The following CDKAL1 variants were observed in gnomAD, a reference collection of about 807,000 sequenced individuals.
CDKAL1 encodes threonylcarbamoyladenosine tRNA methylthiotransferase.
CDKAL1 carries 32 observed loss-of-function variants against 68.2 expected under a neutral mutation model. The ratio of observed to expected loss-of-function variants is 0.47; its 90% CI spans 0.35 to 0.63. The LOEUF is 0.63. Among genes scored for constraint, CDKAL1 ranks in the 30% least tolerant of loss-of-function variants. The probability of loss-of-function intolerance (pLI) is 0.00; values close to 1 mark genes in which losing one functional copy is unlikely to be tolerated. For synonymous variants in CDKAL1, 234 were observed against 244.3 expected (o/e 0.96, Z 0.39); for missense variants, 606 against 696.7 (o/e 0.87, Z 1.47).
intron 9 of CDKAL1, among the ~76,000 whole-genome samples, chr6:20,874,242 G>A (rs1760376115): frequency 2.6e-5 from 4 of 152,034 alleles, no homozygotes; most frequent in Admixed American, 2.0e-4. Flanking sequence ...TTACATTGGG[G>A]GCTATTTATC....
At chr6:20,926,773 C>T (rs1474100020) in intron 9 of CDKAL1, among the ~76,000 whole-genome samples, 4 of 151,824 alleles carry the variant, frequency 2.6e-5, no homozygotes, top group African/African-American at 2.4e-5. Flanking sequence ...AGAAGGTGTC[C>T]ATCATAGTTC....
At chr6:20,677,417 C>T (rs533477783) in intron 5 of CDKAL1, among the ~76,000 whole-genome samples, 50 of 151,448 alleles carry the variant, frequency 3.3e-4, no homozygotes, top group African/African-American at 1.1e-3. Context: ...CATTTTTCAA[C>T]GAAGGCTTTA....
intron 13 of CDKAL1, among the ~76,000 whole-genome samples, chr6:21,129,172 T>C (rs1055370553): frequency 6.6e-6 from 1 of 152,206 alleles, no homozygotes; most frequent in African/African-American, 2.4e-5. Flanking sequence ...TAAATAATAA[T>C]TATAAATTCT....
At chr6:20,744,685 A>G (rs1007610021) in intron 6 of CDKAL1, among the ~76,000 whole-genome samples, 1 of 152,128 alleles carries the variant, frequency 6.6e-6, no homozygotes, top group Non-Finnish European at 1.5e-5. Context: ...GAGTGAAACA[A>G]TATTTATTTG....
intron 10 of CDKAL1, among the ~76,000 whole-genome samples, chr6:20,992,031 C>CTTTTTTTTTTTTTTTTTTTTT (rs71530401): frequency 9.0e-5 from 9 of 100,468 alleles, no homozygotes; most frequent in African/African-American, 3.8e-4. Context: ...TTTTTCTTTT[C>CTTTTTTTTTTTTTTTTTTTTT]TTTTTTTTTT....
chr6:21,134,299 A>G (rs1192517444), intron 13 of CDKAL1, among the ~76,000 whole-genome samples: 2 of 152,228 alleles, frequency 1.3e-5, no homozygotes, highest in African/African-American at 2.4e-5. Context: ...TGCATTAATC[A>G]TAATCCTTTC....
At chr6:20,625,283 C>G (rs1767376126) in intron 4 of CDKAL1, among the ~76,000 whole-genome samples, 1 of 152,052 alleles carries the variant, frequency 6.6e-6, no homozygotes, top group East Asian at 1.9e-4. Context: ...AATTTTTTAC[C>G]TGGGTGCTCT....
At chr6:20,902,095 C>T (rs1762016624) in intron 9 of CDKAL1, among the ~76,000 whole-genome samples, 1 of 152,168 alleles carries the variant, frequency 6.6e-6, no homozygotes, top group African/African-American at 2.4e-5. Context: ...TGACTTCTAA[C>T]ACTGTGGATT....
In CDKAL1 at chr6:20,826,538, TG is replaced by T. The variant is rs564540999; in HGVS notation, c.639-19535del. On this transcript the variant is annotated intron_variant, in intron 8 of 15. Transcript: ENST00000274695. Reference sequence around the variant, plus strand: ...GGCACACGAGTGTCTGACTCGCACATGGTATTTCTTGCTTTTTAGACTGGTG... The same window carrying T: ...GGCACACGAGTGTCTGACTCGCACATGTATTTCTTGCTTTTTAGACTGGTG... 2.0e-5 allele frequency among the ~76,000 whole-genome samples: 3 copies of T among 152,246 alleles called. No homozygotes were observed. In the South Asian group the frequency reaches 6.2e-4, roughly 32 times the overall value.
intron 9 of CDKAL1, among the ~76,000 whole-genome samples, chr6:20,900,884 G>T (rs530437759): frequency 6.6e-6 from 1 of 152,286 alleles, no homozygotes; most frequent in East Asian, 1.9e-4. Flanking sequence ...TTTGTGTCCT[G>T]AGAGTTAAAT....
intron 5 of CDKAL1, among the ~76,000 whole-genome samples, chr6:20,665,169 G>A (rs1490471326): frequency 6.6e-6 from 1 of 152,060 alleles, no homozygotes; most frequent in Non-Finnish European, 1.5e-5. Flanking sequence ...ACCTGGGGCA[G>A]TGTCTTGAAA....
At chr6:21,182,907 G>A (rs1014412683) in intron 13 of CDKAL1, among the ~76,000 whole-genome samples, 3 of 151,954 alleles carry the variant, frequency 2.0e-5, no homozygotes, top group Non-Finnish European at 4.4e-5. Context: ...AAATCTCTAG[G>A]TTTTGATCAC....
At chr6:20,865,242 G>A (rs1303259548) in intron 9 of CDKAL1, among the ~76,000 whole-genome samples, 3 of 152,152 alleles carry the variant, frequency 2.0e-5, no homozygotes, top group Non-Finnish European at 4.4e-5. Context: ...CAGGGAAAAT[G>A]TTGGGCTTAA....
At position 21,179,701 on chromosome 6, in the gene CDKAL1, A is replaced by G. The variant is rs549683183; in HGVS notation, c.1300-18320A>G. Among the ~76,000 whole-genome samples, 7 of 152,342 alleles carry G rather than the reference A, an allele frequency of 4.6e-5. No individual in the cohort carries two copies. The South Asian group carries it at 1.4e-3, about 32-fold the overall frequency. On this transcript the variant is annotated intron_variant, in intron 13 of 15. Coordinates refer to ENST00000274695, the MANE Select transcript of CDKAL1 (RefSeq NM_017774.3). ...TCTTTTTCCACATATACTTCAAGTAATGGAATACTATCACTTTGAATTTTA... is the reference window on the plus strand; with the variant it reads ...TCTTTTTCCACATATACTTCAAGTAGTGGAATACTATCACTTTGAATTTTA...
At chr6:20,846,281 AAG>A (rs1402124379) in intron 9 of CDKAL1, 103 bp downstream of exon 9, 3 of 655,178 alleles carry the variant, frequency 4.6e-6, no homozygotes, top group South Asian at 4.2e-5. Flanking sequence ...TAGTTTTCTG[AAG>A]AGTTTTACAA....
At chr6:21,034,010 T>C (rs1769438317) in intron 11 of CDKAL1, among the ~76,000 whole-genome samples, 1 of 152,134 alleles carries the variant, frequency 6.6e-6, no homozygotes, top group African/African-American at 2.4e-5. Context: ...TGTGTTCTGC[T>C]CTTCCAAAAG....
chr6:21,024,499 T>G (rs1768851933), intron 11 of CDKAL1, among the ~76,000 whole-genome samples: 1 of 151,554 alleles, frequency 6.6e-6, no homozygotes, highest in Non-Finnish European at 1.5e-5. Flanking sequence ...AAAAAGAAAT[T>G]GGTTGAAGAA....
chr6:21,009,150 C>G (rs1161343458), intron 11 of CDKAL1, among the ~76,000 whole-genome samples: 1 of 152,140 alleles, frequency 6.6e-6, no homozygotes, highest in African/African-American at 2.4e-5. Flanking sequence ...AATTTAGGTA[C>G]ATAGAAGTTA....
chr6:20,624,829 GT>G (rs1369256663), intron 4 of CDKAL1, among the ~76,000 whole-genome samples: 2 of 151,954 alleles, frequency 1.3e-5, no homozygotes, highest in African/African-American at 4.8e-5. Flanking sequence ...GTTTGTTTGA[GT>G]TTACTATATT....
Sources: gnomAD v4.1 joint callset for allele counts (sites outside exome capture counted in the v4.1 genomes callset) on GRCh38, gnomAD v4.1.1 for gene constraint, MANE v1.5 for transcripts, NCBI Gene and HGNC (gene_info 2026-07-23, HGNC 2026-07-21) for gene names.